The following DAPK1 variants were observed in gnomAD, a reference collection of about 807,000 sequenced individuals.
DAPK1 encodes the protein death associated protein kinase 1.
Under a neutral mutation model 144.9 loss-of-function variants are expected in DAPK1, and 56 were observed. The observed-to-expected ratio is 0.39, with a 90% CI of 0.31 to 0.48. The LOEUF is 0.48. Among genes scored for constraint, DAPK1 ranks in the 20% least tolerant of loss-of-function variants. The pLI is 0.95. For missense variants in DAPK1, 1,454 were observed against 1,875.4 expected, an observed-to-expected ratio of 0.78 and a Z score of 4.15; for synonymous variants, 690 against 749.0, an observed-to-expected ratio of 0.92 and a Z score of 1.29.
In DAPK1 at chr9:87,706,713, G is replaced by T. The variant is rs558454005; in HGVS notation, c.3642G>T (p.Ser1214=). The T allele has an allele frequency of 2.5e-6, 4 of 1,611,864 alleles. No individual in the cohort carries two copies. The highest frequency in any genetic ancestry group is 2.2e-5 in the South Asian group (2 of 91,040). Residue 1214 remains serine, a synonymous_variant, in exon 26 of 26, where the codon TCG becomes TCT. Coordinates refer to ENST00000408954, the MANE Select transcript of DAPK1 (RefSeq NM_004938.4). The surrounding 1 kb of genome is among the most constrained non-coding windows in gnomAD (Gnocchi z 9.0). ...TCAAGTGCTGCCTGCTGCTGGACTC[G>T]GTGTGCAGCACCATTGAGAACGTCA... The part of the protein sequence containing the change: ...EKIKCCLLLD[S]VCSTIENVMA...
At chr9:87,628,839 A>G (rs1187251455) in intron 3 of DAPK1, among the ~76,000 whole-genome samples, 2 of 152,220 alleles carry the variant, frequency 1.3e-5, no homozygotes, top group Non-Finnish European at 2.9e-5. Context: ...ACATTTTTAT[A>G]GTAGTACATG....
At position 87,512,831 on chromosome 9, in the gene DAPK1, G is replaced by GGCT. The variant is rs1824901353; in HGVS notation, c.62+13693_62+13694insCTG. ...AATTTTTGTATTTTTAGTAGACACA[G>GGCT]GGTTTCACCATGTTGACCAGGCTGG... On this transcript the variant is annotated intron_variant, in intron 2 of 25. Transcript: ENST00000408954. Among the ~76,000 whole-genome samples, 5 of 152,228 alleles carry GGCT rather than the reference G, an allele frequency of 3.3e-5. No individual in the cohort carries two copies. In the South Asian group the frequency reaches 1.0e-3, roughly 32 times the overall value.
At chr9:87,631,098 G>C (rs778756447) in intron 3 of DAPK1, among the ~76,000 whole-genome samples, 14 of 152,128 alleles carry the variant, frequency 9.2e-5, no homozygotes, top group Non-Finnish European at 1.8e-4. Context: ...GCCAGGCCTC[G>C]AAGGTGTGCC....
Position 87,706,004 on chromosome 9 carries a change from C to A in DAPK1, c.3061-128C>A. The A allele has an allele frequency of 1.5e-6, 1 of 685,746 alleles. No individual in the cohort carries two copies. The highest frequency in any genetic ancestry group is 2.6e-6 in the Non-Finnish European group (1 of 390,274). The allele number at this position is 685,746 out of a possible 1,614,324, so 42.5% of individuals were successfully genotyped here. ...TTGAGACGCATCCACGTGGAATGGC[C>A]TTGGGTCACTCCTTAGAGCATCTGC... On this transcript the variant is annotated intron_variant, in intron 25 of 25. Coordinates refer to ENST00000408954, the MANE Select transcript of DAPK1 (RefSeq NM_004938.4). The surrounding 1 kb of genome is among the most constrained non-coding windows in gnomAD (Gnocchi z 9.0).
At chr9:87,633,533 A>G (rs1829786465) in intron 3 of DAPK1, among the ~76,000 whole-genome samples, 2 of 152,114 alleles carry the variant, frequency 1.3e-5, no homozygotes, top group African/African-American at 4.8e-5. Flanking sequence ...GACTTGTGAG[A>G]AGGGTCAATG....
At chr9:87,554,919 A>G (rs1563990710) in intron 2 of DAPK1, among the ~76,000 whole-genome samples, 1 of 152,212 alleles carries the variant, frequency 6.6e-6, no homozygotes, top group South Asian at 2.1e-4. Flanking sequence ...CTCTGCCACA[A>G]TCTACAGTGA....
chr9:87,563,942 G>A (rs376690634), intron 2 of DAPK1, among the ~76,000 whole-genome samples: 27 of 152,330 alleles, frequency 1.8e-4, no homozygotes, highest in East Asian at 3.9e-4. Flanking sequence ...TGACAGCCGC[G>A]TAGACCTTCT....
chr9:87,674,208 T>C (rs1040058129), intron 19 of DAPK1, among the ~76,000 whole-genome samples: 2 of 152,126 alleles, frequency 1.3e-5, no homozygotes, highest in Non-Finnish European at 2.9e-5. Context: ...AAGCCTGAAA[T>C]TAAAAGTAGG....
intron 17 of DAPK1, among the ~76,000 whole-genome samples, chr9:87,657,100 A>G (rs1459509983): frequency 6.6e-6 from 1 of 152,178 alleles, no homozygotes; most frequent in East Asian, 1.9e-4. Flanking sequence ...GGGTTTCAGT[A>G]ATTAGTTTTT....
chr9:87,644,631 C>T (rs1031689222), intron 11 of DAPK1, among the ~76,000 whole-genome samples: 1 of 151,878 alleles, frequency 6.6e-6, no homozygotes, highest in African/African-American at 2.4e-5. Flanking sequence ...GGCTGCACAA[C>T]CAGTGAAAAG....
chr9:87,510,866 CTAATTCA>C (rs143865684), intron 2 of DAPK1, among the ~76,000 whole-genome samples: 3,263 of 152,242 alleles, frequency 0.021, 122 homozygotes, highest in African/African-American at 0.069. Flanking sequence ...GTCATCACGG[CTAATTCA>C]TAAGGTGGTT....
chr9:87,537,176 C>T (rs1171736282), intron 2 of DAPK1, among the ~76,000 whole-genome samples: 1 of 152,022 alleles, frequency 6.6e-6, no homozygotes, highest in East Asian at 1.9e-4. Flanking sequence ...TTAGTAGAGC[C>T]AGGGTTTCAC....
At chr9:87,499,554 T>A (rs2117970597) in intron 2 of DAPK1, among the ~76,000 whole-genome samples, 1 of 152,372 alleles carries the variant, frequency 6.6e-6, no homozygotes, top group Middle Eastern at 3.4e-3. Context: ...CTTTACCCTC[T>A]ATCTAAATTT....
At chr9:87,576,213 TCA>T (rs1827554041) in intron 2 of DAPK1, among the ~76,000 whole-genome samples, 1 of 152,170 alleles carries the variant, frequency 6.6e-6, no homozygotes, top group Non-Finnish European at 1.5e-5. Flanking sequence ...CACACACGGG[TCA>T]GAGTTAATGA....
chr9:87,602,950 G>C (rs895445651), intron 2 of DAPK1, among the ~76,000 whole-genome samples: 6 of 136,918 alleles, frequency 4.4e-5, no homozygotes, highest in Non-Finnish European at 9.1e-5. Flanking sequence ...CTCTCTCTCA[G>C]CTTTTTAGTT....
At position 87,640,821 on chromosome 9, in the gene DAPK1, G is replaced by A; in HGVS notation, c.802G>A (p.Asp268Asn). 1 of 1,614,140 alleles carries A rather than the reference G, an allele frequency of 6.2e-7. No individual in the cohort carries two copies. The highest frequency in any genetic ancestry group is 8.5e-7 in the Non-Finnish European group (1 of 1,180,000). The change falls in exon 9 of 26, where the codon GAT becomes AAT. Residue 268 changes from aspartate to asparagine, a missense_variant. Coordinates refer to ENST00000408954, the MANE Select transcript of DAPK1 (RefSeq NM_004938.4). The stretch of plus-strand genomic sequence containing the variant: ...CTCAAGGAAGAGAATGACAATTCAA[G>A]ATAGTTTGCAGCATCCCTGGATCAA... The part of the protein sequence containing the change: ...KDPKKRMTIQ[D>N]SLQHPWIKPK...
At chr9:87,508,843 C>A (rs1033447878) in intron 2 of DAPK1, among the ~76,000 whole-genome samples, 6 of 152,128 alleles carry the variant, frequency 3.9e-5, no homozygotes, top group African/African-American at 1.4e-4. Context: ...ACTGGGCTGC[C>A]TCAGAGAGGA....
At chr9:87,549,541 A>G (rs1024759845) in intron 2 of DAPK1, among the ~76,000 whole-genome samples, 2 of 152,224 alleles carry the variant, frequency 1.3e-5, no homozygotes, top group Admixed American at 1.3e-4. Context: ...AATTCTTAGT[A>G]TCACCCAAAC....
At position 87,660,105 on chromosome 9, in the gene DAPK1, T is replaced by A. The variant is rs3118844; in HGVS notation, c.1923+1978T>A. 3.9e-5 allele frequency among the ~76,000 whole-genome samples: 6 copies of A among 152,124 alleles called. No homozygotes were observed. In the South Asian group the frequency reaches 1.2e-3, roughly 32 times the overall value. ...AGCCGGACAGAGTCCCGGGAGGATC[T>A]CCCTGCCCTGTTCAGGACCGGAGCT... On this transcript the variant is annotated intron_variant, in intron 18 of 25. Coordinates refer to ENST00000408954, the MANE Select transcript of DAPK1 (RefSeq NM_004938.4).
Sources: allele counts gnomAD v4.1 joint callset (sites outside exome capture counted in the v4.1 genomes callset), GRCh38; gene constraint gnomAD v4.1.1; non-coding constraint Gnocchi (gnomAD v3.1); transcripts MANE v1.5; gene names NCBI Gene and HGNC (gene_info 2026-07-23, HGNC 2026-07-21).